Variants in FER1L5 observed in about 807,000 individuals in gnomAD.
The protein encoded by FER1L5 is fer-1 like family member 5, also known as fer-1-like protein 5.
In FER1L5, 187 loss-of-function variants were observed where a neutral mutation model predicts 279.9. That is an observed-to-expected ratio of 0.67 (90% confidence interval 0.59 to 0.75). The LOEUF (loss-of-function observed/expected upper bound fraction) is 0.75, where lower values mean the gene tolerates loss of function less well. FER1L5 is among the 30% of genes least tolerant of loss of function. The probability of loss-of-function intolerance (pLI) is 0.00; values close to 1 mark genes in which losing one functional copy is unlikely to be tolerated. For synonymous variants in FER1L5, 921 were observed against 989.7 expected (o/e 0.93, Z 1.30); for missense variants, 2,091 against 2,594.4 (o/e 0.81, Z 4.21).
At chr2:96,666,545 G>A (rs1008077697) in intron 14 of FER1L5, among the ~76,000 whole-genome samples, 3 of 152,132 alleles carry the variant, frequency 2.0e-5, no homozygotes, top group African/African-American at 4.8e-5. Context: ...AAGAACTGCT[G>A]TAAGGAGAAG....
In FER1L5 at chr2:96,684,461, G is replaced by T; in HGVS notation, c.1794+10G>T. On this transcript the variant is annotated intron_variant, in intron 20 of 52. Transcript: ENST00000624922. ...CACTCGGGACCGCCTGGTGAGTGGT[G>T]CGGGAGCCGATGCTGGGAAGACACC... 6.5e-7 allele frequency: 1 copy of T among 1,548,892 alleles called. No homozygotes were observed.
In FER1L5 at chr2:96,702,960, C is replaced by T. The variant is rs2077646295; in HGVS notation, c.5398-18C>T. On this transcript the variant is annotated intron_variant, in intron 48 of 52. Coordinates refer to ENST00000624922, the MANE Select transcript of FER1L5 (RefSeq NM_001293083.2). The surrounding 1 kb of genome is among the most constrained non-coding windows in gnomAD (Gnocchi z 4.0). Reference sequence around the variant, plus strand: ...CCAGGAGACAGGCCGGTAACACGCCCTTCCGCCATTTCCCCAGGATTACAT... The same window carrying T: ...CCAGGAGACAGGCCGGTAACACGCCTTTCCGCCATTTCCCCAGGATTACAT... 2.5e-6 allele frequency: 4 copies of T among 1,605,078 alleles called. No individual in the cohort carries two copies. Among genetic ancestry groups the T allele is most frequent in the Non-Finnish European group, 3.4e-6 (4 of 1,175,832 alleles).
Position 96,702,288 on chromosome 2 carries a change from A to C in FER1L5, c.5160-18A>C, listed in dbSNP as rs770806098. 1.9e-6 allele frequency: 3 copies of C among 1,606,694 alleles called. No individual in the cohort carries two copies. The highest frequency in any genetic ancestry group is 2.5e-6 in the Non-Finnish European group (3 of 1,176,798). ...GGGAGCTCCTCCTCAGCAAAGCCTC[A>C]GAGCACAGTGGCCACAGGTATGAGC... On this transcript the variant is annotated intron_variant, in intron 46 of 52. Coordinates refer to ENST00000624922, the MANE Select transcript of FER1L5 (RefSeq NM_001293083.2). The surrounding 1 kb of genome is among the most constrained non-coding windows in gnomAD (Gnocchi z 4.0).
chr2:96,689,614 G>C lies in FER1L5; in HGVS notation c.2526-30G>C. 1 of 1,541,560 alleles carries C rather than the reference G, an allele frequency of 6.5e-7. No individual in the cohort carries two copies. The highest frequency in any genetic ancestry group is 1.4e-5 in the African/African-American group (1 of 72,870). Reference sequence around the variant, plus strand: ...CCCTAGGGGCTGCTTGGGGAGTTGTGCTGGGAACTTGGGGTCTCATTACCC... The same window carrying C: ...CCCTAGGGGCTGCTTGGGGAGTTGTCCTGGGAACTTGGGGTCTCATTACCC... On this transcript the variant is annotated intron_variant, in intron 25 of 52. Transcript: ENST00000624922. This position sits in a 1 kb window ranked among gnomAD's most constrained non-coding sequence, Gnocchi z 4.6.
chr2:96,700,158 C>A, intron 44 of FER1L5, 78 bp downstream of exon 44: 2 of 1,585,426 alleles, frequency 1.3e-6, no homozygotes, highest in South Asian at 1.1e-5. Flanking sequence ...GGAAGAGCTG[C>A]AGACTTGGGG....
In FER1L5 at chr2:96,691,340, C is replaced by A. The variant is rs2077135809; in HGVS notation, c.2894C>A (p.Ser965Tyr). 6.5e-6 allele frequency: 10 copies of A among 1,549,716 alleles called. No homozygotes were observed. The highest frequency in any genetic ancestry group is 7.9e-6 in the Non-Finnish European group (9 of 1,146,240). ...CTGAGCCACGAGCAGGAGACCCTCT[C>A]CTTCCTGCAGCTGGTGAGGGGTCGA... Reference protein sequence around the residue: ...GELSHEQETLSFLQLGLAKGE... With the variant: ...GELSHEQETLYFLQLGLAKGE... The change falls in exon 28 of 53, where the codon TCC (serine) becomes TAC (tyrosine). Residue 965 changes from serine (S) to tyrosine (Y), a missense_variant. Ser to Tyr is a moderately radical substitution (Grantham distance 144). Transcript: ENST00000624922. The surrounding 1 kb of genome is among the most constrained non-coding windows in gnomAD (Gnocchi z 6.0).
At position 96,685,969 on chromosome 2, in the gene FER1L5, C is replaced by G; in HGVS notation, c.1925C>G (p.Pro642Arg). The G allele has an allele frequency of 6.5e-7, 1 of 1,549,028 alleles. No individual in the cohort carries two copies. The highest frequency in any genetic ancestry group is 8.7e-7 in the Non-Finnish European group (1 of 1,145,700). ...CCTCTGCCCTGCATGACCTATCAGCCCAAAGCCACCAGCCTGGACAGGAAG... is the reference window on the plus strand; with the variant it reads ...CCTCTGCCCTGCATGACCTATCAGCGCAAAGCCACCAGCCTGGACAGGAAG... ...KRPLPCMTYQPKATSLDRKRW... is the reference protein window; with the variant it reads ...KRPLPCMTYQRKATSLDRKRW... Residue 642 changes from proline to arginine, a missense_variant, in exon 22 of 53, where the codon CCC becomes CGC. By Grantham distance (103) the Pro-to-Arg change is moderately radical. Coordinates refer to ENST00000624922, the MANE Select transcript of FER1L5 (RefSeq NM_001293083.2).
At chr2:96,671,091 A>G (rs1220188717) in intron 18 of FER1L5, among the ~76,000 whole-genome samples, 1 of 108,364 alleles carries the variant, frequency 9.2e-6, no homozygotes, top group East Asian at 2.7e-4. Context: ...TGGGTGACAG[A>G]GTGAGACTCC....
At chr2:96,696,574 G>A (rs1373596218) in intron 37 of FER1L5, among the ~76,000 whole-genome samples, 3 of 151,984 alleles carry the variant, frequency 2.0e-5, no homozygotes, top group South Asian at 4.1e-4. Flanking sequence ...AATTACAGGC[G>A]TGAGCCACCA....
rs2076272991 is a variant in FER1L5, at chr2:96,670,226, C to A, written c.1470C>A (p.Ser490=). The A allele has an allele frequency of 1.9e-6, 3 of 1,551,496 alleles. No homozygotes were observed. Among genetic ancestry groups the A allele is most frequent in the Non-Finnish European group, 2.6e-6 (3 of 1,146,890 alleles). The stretch of plus-strand genomic sequence containing the variant: ...AAGACTCCACGATAAAGGATCTCTC[C>A]CATGAAGTGACCAGGATAGAGGTAA... ...SYQDSTIKDL[S]HEVTRIEKHQ... is the part of the protein sequence containing the mutation. The change falls in exon 18 of 53, where the codon TCC becomes TCA. Residue 490 remains serine, a synonymous_variant. Transcript: ENST00000624922.
chr2:96,659,366 T>TTCCTTCC (rs1573816278), intron 9 of FER1L5, among the ~76,000 whole-genome samples: 24 of 15,564 alleles, frequency 1.5e-3, no homozygotes, highest in Non-Finnish European at 2.0e-3. Flanking sequence ...TCCTTCCTTC[T>TTCCTTCC]TTCTTTCTTT....
Position 96,704,576 on chromosome 2 carries a change from C to T in FER1L5, c.6058C>T (p.Leu2020Phe). The T allele has an allele frequency of 6.2e-7, 1 of 1,613,702 alleles. No homozygotes were observed. Among genetic ancestry groups the T allele is most frequent in the Non-Finnish European group, 8.5e-7 (1 of 1,179,658 alleles). ...LNTSNASSSI[L>F]PTQDPNLKPT... ...CACCAGCAACGCCAGCTCTTCCATC[C>T]TTCCCACCCAGGATCCAAACCTAAA... Residue 2020 changes from leucine to phenylalanine, a missense_variant, in exon 53 of 53, where the codon CTT (leucine) becomes TTT (phenylalanine). Transcript: ENST00000624922.
At chr2:96,680,059 C>T (rs546323405) in intron 19 of FER1L5, among the ~76,000 whole-genome samples, 17 of 152,118 alleles carry the variant, frequency 1.1e-4, no homozygotes, top group South Asian at 1.0e-3. Context: ...AGTCGTGTCC[C>T]GCAGGTGGCT....
At chr2:96,659,331 T>TTCCTTCCTTCCTTCCTTCCC (rs1558853029) in intron 9 of FER1L5, among the ~76,000 whole-genome samples, 2 of 79,634 alleles carry the variant, frequency 2.5e-5, no homozygotes, top group Non-Finnish European at 4.9e-5. Flanking sequence ...CCTTCCTTCC[T>TTCCTTCCTTCCTTCCTTCCC]TCCTTCCTTC....
chr2:96,653,609 A>C, intron 7 of FER1L5, 31 bp from the exon 8 acceptor site: 1 of 1,516,126 alleles, frequency 6.6e-7, no homozygotes, highest in Admixed American at 2.0e-5. Context: ...GGAAGAAATC[A>C]TCCACTCTAC....
chr2:96,646,297 C>G (rs1000311469), intron 1 of FER1L5, 104 bp from the exon 2 acceptor site: 7 of 1,281,124 alleles, frequency 5.5e-6, no homozygotes, highest in Non-Finnish European at 5.5e-6. Flanking sequence ...CATGCCCGGC[C>G]GACTTGAAGT....
intron 19 of FER1L5, among the ~76,000 whole-genome samples, chr2:96,674,254 T>A (rs2076430678): frequency 6.6e-6 from 1 of 152,150 alleles, no homozygotes; most frequent in Non-Finnish European, 1.5e-5. Flanking sequence ...ACAGAATGTC[T>A]CTCTGTTGCC....
At chr2:96,662,893 C>A (rs1280762246) in intron 13 of FER1L5, among the ~76,000 whole-genome samples, 1 of 152,082 alleles carries the variant, frequency 6.6e-6, no homozygotes, top group Admixed American at 6.6e-5. Flanking sequence ...GGTTGGGTAC[C>A]CCCAAAGCTA....
intron 51 of FER1L5, 100 bp from the exon 52 acceptor site, chr2:96,704,115 C>A (rs1292887347): frequency 7.2e-7 from 1 of 1,396,618 alleles, no homozygotes; most frequent in Non-Finnish European, 9.7e-7. Context: ...TGTGCCTGGC[C>A]CAGTAGTTGC....
Sources: allele counts gnomAD v4.1 joint callset (sites outside exome capture counted in the v4.1 genomes callset), GRCh38; gene constraint gnomAD v4.1.1; non-coding constraint Gnocchi (gnomAD v3.1); transcripts MANE v1.5; gene names NCBI Gene and HGNC (gene_info 2026-07-23, HGNC 2026-07-21).